KLF12: variants seen among roughly 807,000 people sequenced by gnomAD.
KLF12 encodes Krueppel-like factor 12.
Under a neutral mutation model 37.8 loss-of-function variants are expected in KLF12, and 9 were observed. The observed-to-expected ratio is 0.24, with a 90% confidence interval of 0.14 to 0.42. The LOEUF (loss-of-function observed/expected upper bound fraction) is 0.42, where lower values mean the gene tolerates loss of function less well. KLF12 is among the 10% of genes least tolerant of loss of function. The pLI, the probability that KLF12 is intolerant of heterozygous loss-of-function variation, is 1.00. For missense variants in KLF12, 411 were observed against 516.0 expected (o/e 0.80, Z 1.97); for synonymous variants, 208 against 202.1 (o/e 1.03, Z -0.25).
intron 3 of KLF12, among the ~76,000 whole-genome samples, chr13:73,916,247 G>A (rs140768639): frequency 2.5e-4 from 37 of 146,600 alleles, no homozygotes; most frequent in Non-Finnish European, 3.3e-4. Context: ...ACACGCACAC[G>A]CACACACACA....
At chr13:74,083,303 A>G (rs1875031292) in intron 1 of KLF12, among the ~76,000 whole-genome samples, 1 of 152,196 alleles carries the variant, frequency 6.6e-6, no homozygotes, top group African/African-American at 2.4e-5. Flanking sequence ...ACTTGAGCCC[A>G]GAGACCAGAC....
At chr13:74,274,507 A>C in the KLF12 span, among the ~76,000 whole-genome samples, 1 of 152,142 alleles carries the variant, frequency 6.6e-6, no homozygotes, top group African/African-American at 2.4e-5. Flanking sequence ...GCATATTTTA[A>C]ATATTTTTAT....
At chr13:73,947,486 A>G (rs2139387893) in intron 2 of KLF12, among the ~76,000 whole-genome samples, 1 of 152,072 alleles carries the variant, frequency 6.6e-6, no homozygotes, top group Non-Finnish European at 1.5e-5. Context: ...CTCTGTCTCT[A>G]CAAAAAATAC....
At chr13:74,230,222 C>T in the KLF12 span, among the ~76,000 whole-genome samples, 2 of 152,102 alleles carry the variant, frequency 1.3e-5, no homozygotes, top group African/African-American at 2.4e-5. Flanking sequence ...TTATAAGGAG[C>T]TTCCCCCTTC....
chr13:73,956,900 C>T (rs1890851881), intron 2 of KLF12, among the ~76,000 whole-genome samples: 1 of 148,754 alleles, frequency 6.7e-6, no homozygotes, highest in Non-Finnish European at 1.5e-5. Flanking sequence ...CCAGTCTGGG[C>T]AACAGAGTAA....
chr13:74,187,692 G>A, the KLF12 span, among the ~76,000 whole-genome samples: 321 of 152,256 alleles, frequency 2.1e-3, 4 homozygotes, highest in African/African-American at 7.5e-3. Context: ...ATGACTGGGG[G>A]CCAGAGAGGT....
intron 5 of KLF12, among the ~76,000 whole-genome samples, chr13:73,811,874 G>A (rs7984178): frequency 0.72 from 108,902 of 152,068 alleles, 39,247 homozygotes; most frequent in Non-Finnish European, 0.74. Context: ...TTTTATATAC[G>A]CACAGACATA....
At chr13:74,085,003 T>C (rs1875178577) in intron 1 of KLF12, among the ~76,000 whole-genome samples, 2 of 152,160 alleles carry the variant, frequency 1.3e-5, no homozygotes. Flanking sequence ...GTAGAGCTTA[T>C]TAATACCCTA....
intron 6 of KLF12, among the ~76,000 whole-genome samples, chr13:73,732,080 C>G (rs1877100425): frequency 8.3e-6 from 1 of 119,878 alleles, no homozygotes; most frequent in African/African-American, 3.3e-5. Flanking sequence ...AATTATTAAC[C>G]CTATTTTTTT....
chr13:74,062,606 C>T (rs554720564), intron 1 of KLF12, among the ~76,000 whole-genome samples: 3 of 152,108 alleles, frequency 2.0e-5, no homozygotes, highest in Non-Finnish European at 4.4e-5. Flanking sequence ...TATTTTCTTC[C>T]ACTTTGGGGT....
intron 1 of KLF12, among the ~76,000 whole-genome samples, chr13:74,030,288 G>A (rs770823607): frequency 1.7e-4 from 26 of 152,080 alleles, no homozygotes; most frequent in African/African-American, 5.1e-4. Context: ...TACCTCTTTC[G>A]GACAAAGCAA....
the KLF12 span, among the ~76,000 whole-genome samples, chr13:74,246,407 G>A: frequency 2.0e-5 from 3 of 152,130 alleles, no homozygotes; most frequent in Non-Finnish European, 2.9e-5. Context: ...ATGTTGCCTC[G>A]GCTTATTCCT....
intron 1 of KLF12, among the ~76,000 whole-genome samples, chr13:74,006,168 C>T (rs963507766): frequency 6.6e-6 from 1 of 152,180 alleles, no homozygotes; most frequent in Non-Finnish European, 1.5e-5. Context: ...ACTCCCTCTC[C>T]GCCATGGTCT....
the KLF12 span, among the ~76,000 whole-genome samples, chr13:74,294,845 C>T: frequency 2.6e-5 from 4 of 152,162 alleles, no homozygotes; most frequent in African/African-American, 7.2e-5. Flanking sequence ...TAATAACCTC[C>T]GATTTATCTC....
intron 1 of KLF12, among the ~76,000 whole-genome samples, chr13:74,126,465 A>AT (rs914543292): frequency 1.3e-5 from 2 of 151,898 alleles, no homozygotes; most frequent in East Asian, 1.9e-4. Flanking sequence ...TTTTTTCACA[A>AT]TTTTTTTCAC....
At chr13:73,744,329 A>C (rs542654102) in intron 6 of KLF12, among the ~76,000 whole-genome samples, 3 of 152,300 alleles carry the variant, frequency 2.0e-5, no homozygotes, top group South Asian at 2.1e-4. Flanking sequence ...TCACTGACAA[A>C]ATGGGGTCAA....
At chr13:74,212,962 A>G in the KLF12 span, among the ~76,000 whole-genome samples, 4 of 142,688 alleles carry the variant, frequency 2.8e-5, no homozygotes, top group Non-Finnish European at 6.4e-5. Context: ...AAAAAATAAG[A>G]AAGTTTCTTA....
intron 3 of KLF12, among the ~76,000 whole-genome samples, chr13:73,918,009 G>C (rs533013322): frequency 6.6e-6 from 1 of 151,742 alleles, no homozygotes; most frequent in Non-Finnish European, 1.5e-5. Context: ...CTAAGGGGTA[G>C]TCTTTAAATG....
Position 74,036,355 on chromosome 13 carries a change from T to C in KLF12, c.-31-41302A>G, listed in dbSNP as rs933730937. On this transcript the variant is annotated intron_variant, in intron 1 of 7. Transcript: ENST00000377669. ...ATAAGAGTTAAAAATTGATTGTTAA[T>C]AAACTGGAACAGGGAGGCTATGTAC... Among the ~76,000 whole-genome samples, 5 of 152,150 alleles carry C rather than the reference T, an allele frequency of 3.3e-5. No individual in the cohort carries two copies. In the South Asian group the frequency reaches 1.0e-3, roughly 32 times the overall value.
Sources: allele counts gnomAD v4.1 joint callset (sites outside exome capture counted in the v4.1 genomes callset), GRCh38; gene constraint gnomAD v4.1.1; transcripts MANE v1.5; gene names NCBI Gene and HGNC (gene_info 2026-07-23, HGNC 2026-07-21).